Variants in JARID2 observed in about 807,000 individuals in gnomAD.
The protein encoded by JARID2 is jumonji and AT-rich interaction domain containing 2.
A neutral mutation model predicts 125.6 loss-of-function variants in JARID2; 21 were observed. That is an observed-to-expected ratio of 0.17 (90% CI 0.12 to 0.24). JARID2 has a LOEUF of 0.24. Ranked by LOEUF, JARID2 falls within the 10% of genes least tolerant of loss-of-function variation. The probability of loss-of-function intolerance (pLI) is 1.00; values close to 1 mark genes in which losing one functional copy is unlikely to be tolerated. For synonymous variants in JARID2, 736 were observed against 661.6 expected (o/e 1.11, Z -1.73); for missense variants, 1,303 against 1,639.6 (o/e 0.79, Z 3.55).
At chr6:15,370,002 G>A (rs1337387813) in intron 1 of JARID2, among the ~76,000 whole-genome samples, 1 of 152,218 alleles carries the variant, frequency 6.6e-6, no homozygotes, top group Non-Finnish European at 1.5e-5. Flanking sequence ...TCTGTGGGGA[G>A]TGTTTTATGA....
chr6:15,346,369 T>C (rs1763244431), intron 1 of JARID2, among the ~76,000 whole-genome samples: 2 of 152,244 alleles, frequency 1.3e-5, no homozygotes, highest in African/African-American at 2.4e-5. Flanking sequence ...TTATTCTTAA[T>C]TGTCATATAT....
chr6:15,349,873 G>A (rs1338526272), intron 1 of JARID2, among the ~76,000 whole-genome samples: 1 of 152,046 alleles, frequency 6.6e-6, no homozygotes, highest in Non-Finnish European at 1.5e-5. Flanking sequence ...GAGATGAGAC[G>A]GACACCGTTG....
intron 1 of JARID2, among the ~76,000 whole-genome samples, chr6:15,368,092 A>T (rs552622122): frequency 6.6e-6 from 1 of 152,318 alleles, no homozygotes; most frequent in Non-Finnish European, 1.5e-5. Flanking sequence ...GTTAGAAACT[A>T]TATCAAAACA....
chr6:15,509,132 C>T, intron 12 of JARID2: 1 of 1,288,458 alleles, frequency 7.8e-7, no homozygotes, highest in Non-Finnish European at 1.0e-6. Flanking sequence ...CTCACTGTAG[C>T]CATCCCTGAT....
At chr6:15,258,279 C>T (rs551793141) in intron 1 of JARID2, among the ~76,000 whole-genome samples, 1 of 152,260 alleles carries the variant, frequency 6.6e-6, no homozygotes, top group Admixed American at 6.5e-5. Flanking sequence ...TAGTTGGCAG[C>T]AGGGATGTGA....
At chr6:15,468,476 G>A (rs1768853735) in intron 4 of JARID2, 66 bp from the exon 5 acceptor site, 1 of 1,398,300 alleles carries the variant, frequency 7.2e-7, no homozygotes, top group Admixed American at 2.3e-5. Context: ...TTTCATTGTG[G>A]TGTTCCTTCT....
chr6:15,418,780 C>CT (rs1482329149), intron 3 of JARID2, among the ~76,000 whole-genome samples: 5 of 152,144 alleles, frequency 3.3e-5, no homozygotes, highest in Non-Finnish European at 7.3e-5. Context: ...TCAGTGTACT[C>CT]TGAGATATGA....
intron 4 of JARID2, among the ~76,000 whole-genome samples, chr6:15,452,887 G>A (rs1767984846): frequency 6.6e-6 from 1 of 152,230 alleles, no homozygotes; most frequent in Non-Finnish European, 1.5e-5. Flanking sequence ...AGTCCTGAAT[G>A]CAGAGAGTTC....
intron 3 of JARID2, among the ~76,000 whole-genome samples, chr6:15,422,937 GTTAGGCCTAC>G (rs1766563812): frequency 6.7e-6 from 1 of 150,308 alleles, no homozygotes; most frequent in African/African-American, 2.4e-5. Flanking sequence ...CTTCTCATGG[GTTAGGCCTAC>G]TTGACTATGC....
intron 16 of JARID2, among the ~76,000 whole-genome samples, chr6:15,516,613 G>T (rs772226002): frequency 5.9e-5 from 9 of 152,238 alleles, no homozygotes; most frequent in Non-Finnish European, 8.8e-5. Flanking sequence ...GCATGGGGTC[G>T]TTGGACGCCG....
At chr6:15,382,255 T>A (rs1764618650) in intron 2 of JARID2, among the ~76,000 whole-genome samples, 1 of 152,176 alleles carries the variant, frequency 6.6e-6, no homozygotes, top group Non-Finnish European at 1.5e-5. Flanking sequence ...AGAGTGAGAC[T>A]TTCTCAAAAA....
chr6:15,374,403 C>G, intron 2 of JARID2, 151 bp downstream of exon 2: 3 of 747,070 alleles, frequency 4.0e-6, no homozygotes, highest in Non-Finnish European at 6.6e-6. Context: ...CTGCAGACAT[C>G]CTGTTGGGTT....
chr6:15,261,970 C>T (rs1395274645), intron 1 of JARID2, among the ~76,000 whole-genome samples: 3 of 151,664 alleles, frequency 2.0e-5, no homozygotes, highest in Admixed American at 1.3e-4. Flanking sequence ...TTAGTAGAGG[C>T]GGGGTTTCAC....
chr6:15,350,711 T>C (rs1478518997), intron 1 of JARID2, among the ~76,000 whole-genome samples: 1 of 150,444 alleles, frequency 6.6e-6, no homozygotes, highest in Non-Finnish European at 1.5e-5. Flanking sequence ...TTCATTTCAA[T>C]GCCAAATCAT....
At chr6:15,515,312 G>A (rs757010533) in intron 16 of JARID2, among the ~76,000 whole-genome samples, 4 of 152,080 alleles carry the variant, frequency 2.6e-5, no homozygotes, top group African/African-American at 7.2e-5. Context: ...GCGCCCAGCT[G>A]TCCATCCTCT....
chr6:15,434,606 A>G (rs1281059263), intron 3 of JARID2, among the ~76,000 whole-genome samples: 2 of 152,216 alleles, frequency 1.3e-5, no homozygotes, highest in Non-Finnish European at 2.9e-5. Flanking sequence ...GAATCCCATT[A>G]TGTGAATTCC....
At chr6:15,368,996 G>T (rs1180029480) in intron 1 of JARID2, among the ~76,000 whole-genome samples, 2 of 151,984 alleles carry the variant, frequency 1.3e-5, no homozygotes, top group African/African-American at 4.8e-5. Context: ...GGTACAGGTG[G>T]TCTGTCTTGG....
intron 8 of JARID2, among the ~76,000 whole-genome samples, chr6:15,502,426 C>T (rs981958522): frequency 1.3e-5 from 2 of 152,212 alleles, no homozygotes; most frequent in Non-Finnish European, 2.9e-5. Context: ...GCGTTCTCTG[C>T]TCCAGCCCTC....
intron 4 of JARID2, among the ~76,000 whole-genome samples, chr6:15,462,284 A>G (rs1006077925): frequency 6.6e-6 from 1 of 152,218 alleles, no homozygotes; most frequent in African/African-American, 2.4e-5. Flanking sequence ...TTCTTCCCTA[A>G]TAAGTTGTAA....
Sources: allele counts gnomAD v4.1 joint callset (sites outside exome capture counted in the v4.1 genomes callset), GRCh38; gene constraint gnomAD v4.1.1; transcripts MANE v1.5; gene names NCBI Gene and HGNC (gene_info 2026-07-23, HGNC 2026-07-21).